CNTNAP2: variants seen among roughly 807,000 people sequenced by gnomAD.
CNTNAP2 encodes contactin-associated protein-like 2.
A neutral mutation model predicts 155.2 loss-of-function variants in CNTNAP2; 98 were observed. The ratio of observed to expected loss-of-function variants is 0.63; its 90% confidence interval spans 0.54 to 0.75. CNTNAP2 has a LOEUF of 0.75. CNTNAP2 is among the 30% of genes least tolerant of loss of function. The pLI, the probability that CNTNAP2 is intolerant of heterozygous loss-of-function variation, is 0.00. For missense variants in CNTNAP2, 1,727 were observed against 1,688.1 expected (o/e 1.02, Z -0.40); for synonymous variants, 651 against 631.2 (o/e 1.03, Z -0.47).
intron 20 of CNTNAP2, among the ~76,000 whole-genome samples, chr7:148,240,385 T>A (rs1228321851): frequency 6.6e-6 from 1 of 152,128 alleles, no homozygotes; most frequent in East Asian, 1.9e-4. Flanking sequence ...AGTCTCCTTA[T>A]CAACATGTAA....
rs1299246546 is a variant in CNTNAP2, at chr7:147,472,222, T to TTTTTTTTTTTTTTC, written c.1671-13705_1671-13704insTTTTTCTTTTTTTT. Among the ~76,000 whole-genome samples, 40 of 142,198 alleles carry TTTTTTTTTTTTTTC rather than the reference T, an allele frequency of 2.8e-4. 1 individual carries two copies. Among genetic ancestry groups the TTTTTTTTTTTTTTC allele is most frequent in the African/African-American group, 1.1e-3 (40 of 38,008 alleles). 93.3% of individuals were successfully genotyped at this position (142,198 alleles called of 152,430 possible). ...TTTTTTCCTTTTTTTTTTTTTTTTT[T>TTTTTTTTTTTTTTC]TTTTTTTTGAGACTGAGTCTCACTC... On this transcript the variant is annotated intron_variant, in intron 10 of 23. Transcript: ENST00000361727.
intron 3 of CNTNAP2, among the ~76,000 whole-genome samples, chr7:146,955,610 G>A (rs537631523): frequency 5.9e-5 from 9 of 151,956 alleles, no homozygotes; most frequent in East Asian, 3.9e-4. Flanking sequence ...TAAGTTTATC[G>A]AAGATATTAC....
chr7:146,813,266 T>A (rs910396846), intron 2 of CNTNAP2, among the ~76,000 whole-genome samples: 1 of 152,134 alleles, frequency 6.6e-6, no homozygotes, highest in African/African-American at 2.4e-5. Flanking sequence ...ACAGCCACAG[T>A]CACTCAATGC....
At chr7:146,605,040 A>C (rs1159887573) in intron 1 of CNTNAP2, among the ~76,000 whole-genome samples, 1 of 147,600 alleles carries the variant, frequency 6.8e-6, no homozygotes. Flanking sequence ...TAACCTGCAC[A>C]ATGTGCACAT....
chr7:146,405,213 A>T (rs908242288), intron 1 of CNTNAP2, among the ~76,000 whole-genome samples: 2 of 152,144 alleles, frequency 1.3e-5, no homozygotes, highest in Admixed American at 1.3e-4. Context: ...CCCTGTCCTG[A>T]TGGTAATTTG....
intron 5 of CNTNAP2, among the ~76,000 whole-genome samples, chr7:147,116,512 C>G (rs1001750915): frequency 2.0e-5 from 3 of 152,154 alleles, no homozygotes; most frequent in African/African-American, 7.2e-5. Flanking sequence ...GCCAGAGGCC[C>G]CAGCTGGGAC....
chr7:147,577,805 C>G (rs1180765526), intron 12 of CNTNAP2, among the ~76,000 whole-genome samples: 1 of 151,950 alleles, frequency 6.6e-6, no homozygotes, highest in Non-Finnish European at 1.5e-5. Flanking sequence ...AAGGCTCACC[C>G]CCTCTGGATA....
chr7:146,322,490 C>G (rs1801021952), intron 1 of CNTNAP2, among the ~76,000 whole-genome samples: 1 of 152,052 alleles, frequency 6.6e-6, no homozygotes, highest in Non-Finnish European at 1.5e-5. Context: ...GGTATTGTTG[C>G]TTGTATCCTA....
chr7:147,676,628 C>T (rs1384960145), intron 13 of CNTNAP2, among the ~76,000 whole-genome samples: 3 of 151,836 alleles, frequency 2.0e-5, no homozygotes, highest in African/African-American at 4.8e-5. Flanking sequence ...ATTGAAATTT[C>T]GTATTCTTTG....
chr7:148,414,099 T>TTCC (rs1799921560), intron 23 of CNTNAP2, among the ~76,000 whole-genome samples: 1 of 115,174 alleles, frequency 8.7e-6, no homozygotes, highest in African/African-American at 3.3e-5. Flanking sequence ...TTAGACAGAG[T>TTCC]CCCCCCCCCC....
chr7:146,538,489 G>A (rs969947191), intron 1 of CNTNAP2, among the ~76,000 whole-genome samples: 6 of 151,938 alleles, frequency 3.9e-5, no homozygotes, highest in Admixed American at 1.3e-4. Flanking sequence ...TAGCCACAGT[G>A]GGCAATCTTC....
intron 4 of CNTNAP2, among the ~76,000 whole-genome samples, chr7:147,074,316 T>C (rs1035971045): frequency 6.6e-6 from 1 of 152,054 alleles, no homozygotes; most frequent in African/African-American, 2.4e-5. Flanking sequence ...ATATTCCCCT[T>C]CCCCATTACA....
chr7:147,356,081 T>A (rs1384778605), intron 9 of CNTNAP2, among the ~76,000 whole-genome samples: 4 of 152,134 alleles, frequency 2.6e-5, no homozygotes, highest in Admixed American at 2.6e-4. Context: ...AAAAAGCTTA[T>A]CCACCATGAT....
intron 8 of CNTNAP2, among the ~76,000 whole-genome samples, chr7:147,241,276 C>G (rs1236090326): frequency 1.3e-5 from 2 of 152,132 alleles, no homozygotes; most frequent in Admixed American, 6.5e-5. Context: ...CTCTTTATAT[C>G]AAAGCAATGG....
intron 13 of CNTNAP2, among the ~76,000 whole-genome samples, chr7:147,783,292 A>G (rs1408603599): frequency 6.6e-6 from 1 of 152,172 alleles, no homozygotes; most frequent in Non-Finnish European, 1.5e-5. Context: ...CTGAGAGTTT[A>G]GTTGCTATTG....
In CNTNAP2 at chr7:146,355,192, A is replaced by C. The variant is rs74435034; in HGVS notation, c.97+238219A>C. Reference sequence around the variant, plus strand: ...CTTTATATGTTCTTCTTCTGTACCCACATAGAAGAAATCATAAACTTTAAC... The same window carrying C: ...CTTTATATGTTCTTCTTCTGTACCCCCATAGAAGAAATCATAAACTTTAAC... On this transcript the variant is annotated intron_variant, in intron 1 of 23. Coordinates refer to ENST00000361727, the MANE Select transcript of CNTNAP2 (RefSeq NM_014141.6). Among the ~76,000 whole-genome samples, 17 of 152,342 alleles carry C rather than the reference A, an allele frequency of 1.1e-4. No individual in the cohort carries two copies. The East Asian group carries it at 2.9e-3, about 26-fold the overall frequency.
chr7:146,842,811 A>G (rs13224674), intron 3 of CNTNAP2, among the ~76,000 whole-genome samples: 21 of 139,978 alleles, frequency 1.5e-4, no homozygotes, highest in Middle Eastern at 4.3e-3. Context: ...TCAGCCTCCC[A>G]AGTAGCTGGG....
At chr7:147,575,319 A>G (rs1435564218) in intron 12 of CNTNAP2, among the ~76,000 whole-genome samples, 3 of 124,376 alleles carry the variant, frequency 2.4e-5, no homozygotes, top group East Asian at 2.4e-4. Context: ...GGGTATATAT[A>G]TGTGTGTGTG....
intron 15 of CNTNAP2, among the ~76,000 whole-genome samples, chr7:148,098,849 G>C (rs979969881): frequency 6.6e-6 from 1 of 152,054 alleles, no homozygotes; most frequent in Admixed American, 6.6e-5. Flanking sequence ...ATCTTCTTTT[G>C]AATCTCTTTT....
Sources: allele counts gnomAD v4.1 joint callset (sites outside exome capture counted in the v4.1 genomes callset), GRCh38; gene constraint gnomAD v4.1.1; transcripts MANE v1.5; gene names NCBI Gene and HGNC (gene_info 2026-07-23, HGNC 2026-07-21).